TTC3: variants seen among roughly 807,000 people sequenced by gnomAD.
The protein encoded by TTC3 is E3 ubiquitin-protein ligase TTC3.
A neutral mutation model predicts 249.6 loss-of-function variants in TTC3; 180 were observed. That is an observed-to-expected ratio of 0.72 (90% CI 0.64 to 0.82). TTC3 has a LOEUF of 0.82. Among genes scored for constraint, TTC3 ranks in the 40% least tolerant of loss-of-function variants. TTC3 has a pLI of 0.00. For synonymous variants in TTC3, 717 were observed against 805.0 expected, an observed-to-expected ratio of 0.89 and a Z score of 1.85; for missense variants, 2,061 against 2,398.4, an observed-to-expected ratio of 0.86 and a Z score of 2.94.
chr21:37,089,888 G>C (rs1187836271), intron 5 of TTC3, among the ~76,000 whole-genome samples: 4 of 152,098 alleles, frequency 2.6e-5, no homozygotes, highest in Non-Finnish European at 5.9e-5. Context: ...GGGAGGCTGA[G>C]GCAGGAGAAT....
At chr21:37,190,019 G>T (rs1347573101) in intron 39 of TTC3, among the ~76,000 whole-genome samples, 1 of 151,886 alleles carries the variant, frequency 6.6e-6, no homozygotes, top group Non-Finnish European at 1.5e-5. Flanking sequence ...TTTAATCCCA[G>T]GGTTTTGATC....
At position 37,073,352 on chromosome 21, in the gene TTC3, G is replaced by A. The variant is rs1042567938; in HGVS notation, c.-24G>A. The A allele has an allele frequency of 7.7e-5, 70 of 907,554 alleles. 1 individual carries two copies. Among genetic ancestry groups the A allele is most frequent in the Non-Finnish European group, 1.8e-5 (14 of 757,988 alleles). The allele number at this position is 907,554 out of a possible 1,614,324, so 56.2% of individuals were successfully genotyped here. A position where few individuals can be genotyped will look rare whatever the true frequency, so the allele number is the denominator to read the frequency against. On this transcript the variant is annotated 5_prime_UTR_variant, in exon 1 of 46. Transcript: ENST00000355666. ...TGCTGCCCGCGTCCGAGGCTCGCGG[G>A]CGGCGGGCCCGGGTGAGTGCACACC...
At chr21:37,115,174 T>TATAATAATAATAACAATA (rs1555875662) in intron 11 of TTC3, among the ~76,000 whole-genome samples, 1 of 144,500 alleles carries the variant, frequency 6.9e-6, no homozygotes, top group Non-Finnish European at 1.5e-5. Flanking sequence ...AAACTTAAAG[T>TATAATAATAATAACAATA]ATAATAATAA....
Position 37,132,770 on chromosome 21 carries a change from A to C in TTC3, c.1443+4A>C, listed in dbSNP as rs767672785. 14 of 1,591,148 alleles carry C rather than the reference A, an allele frequency of 8.8e-6. No homozygotes were observed. The highest frequency in any genetic ancestry group is 9.4e-6 in the Non-Finnish European group (11 of 1,171,340). On this transcript the variant is annotated splice_donor_region_variant and intron_variant, in intron 17 of 45. Transcript: ENST00000355666. ...ATCTTCCAGAGCTGCACACCAGGTA[A>C]TGGAGAAGCTTTTCCAATGGAAAAA...
exon 33 of TTC3, chr21:37,166,097 T>A (rs752628901): frequency 1.2e-6 from 2 of 1,614,074 alleles, no homozygotes; most frequent in East Asian, 4.5e-5. Flanking sequence ...CTCCTGTAAT[T>A]CCCCCAAACC....
At chr21:37,079,025 GTCTTT>G (rs2071261825) in intron 1 of TTC3, among the ~76,000 whole-genome samples, 1 of 152,088 alleles carries the variant, frequency 6.6e-6, no homozygotes, top group African/African-American at 2.4e-5. Context: ...AATATCTTGT[GTCTTT>G]TCTTCTTTAA....
intron 17 of TTC3, among the ~76,000 whole-genome samples, chr21:37,134,979 G>C (rs2077797735): frequency 6.6e-6 from 1 of 152,176 alleles, no homozygotes; most frequent in South Asian, 2.1e-4. Context: ...GTAGTGATCA[G>C]AATATTGATT....
chr21:37,117,652 A>G (rs2076247438), intron 11 of TTC3, among the ~76,000 whole-genome samples: 2 of 151,984 alleles, frequency 1.3e-5, no homozygotes, highest in African/African-American at 4.8e-5. Flanking sequence ...TTGGGAGGGC[A>G]GGACGGGCAG....
At chr21:37,100,723 G>T (rs913545529) in intron 10 of TTC3, 1 of 152,212 alleles carries the variant, frequency 6.6e-6, no homozygotes. Flanking sequence ...CACTCCTGCC[G>T]CAGCCTCTCC....
intron 5 of TTC3, 126 bp downstream of exon 5, chr21:37,089,012 G>A (rs943447347): frequency 2.6e-5 from 20 of 779,188 alleles, no homozygotes; most frequent in African/African-American, 7.1e-5. Flanking sequence ...TGGTTAACCT[G>A]AGATAAATCT....
At chr21:37,175,968 G>A (rs373926283) in intron 35 of TTC3, among the ~76,000 whole-genome samples, 3 of 151,840 alleles carry the variant, frequency 2.0e-5, no homozygotes, top group Admixed American at 6.5e-5. Context: ...ATGGGGTGTC[G>A]CCATGTTGGC....
intron 44 of TTC3, among the ~76,000 whole-genome samples, chr21:37,199,256 C>T (rs1189014193): frequency 2.0e-5 from 3 of 152,248 alleles, no homozygotes; most frequent in Admixed American, 6.5e-5. Flanking sequence ...ACTCCCTCAG[C>T]AGGGGTTTTT....
chr21:37,153,362 A>G, intron 27 of TTC3, 85 bp downstream of exon 27: 1 of 1,245,988 alleles, frequency 8.0e-7, no homozygotes, highest in South Asian at 1.6e-5. Flanking sequence ...TTCCTGCCAT[A>G]TAATTTATAA....
chr21:37,185,705 G>T lies in TTC3; in HGVS notation c.4758-1G>T. The T allele has an allele frequency of 6.5e-7, 1 of 1,536,396 alleles. No individual in the cohort carries two copies. The highest frequency in any genetic ancestry group is 8.7e-7 in the Non-Finnish European group (1 of 1,145,086). On this transcript the variant is annotated splice_acceptor_variant, in intron 36 of 45. Coordinates refer to ENST00000355666, the Ensembl canonical transcript of TTC3. LOFTEE classifies it high-confidence loss of function. ...AATATTTGGTGATTATGCTTTTATA[G>T]GTATACCCAGAAAAATGATGGAAAG...
intron 13 of TTC3, among the ~76,000 whole-genome samples, chr21:37,123,533 C>CCA (rs2076795132): frequency 6.6e-6 from 1 of 152,176 alleles, no homozygotes. Flanking sequence ...GCAATAGCAG[C>CCA]CAGGGTTCTA....
At chr21:37,095,084 T>A (rs1002882578) in intron 8 of TTC3, among the ~76,000 whole-genome samples, 4 of 151,740 alleles carry the variant, frequency 2.6e-5, no homozygotes, top group African/African-American at 9.7e-5. Context: ...TGCAGTGAGC[T>A]GTGATTGCAC....
At chr21:37,145,266 A>G (rs2078882505) in intron 21 of TTC3, among the ~76,000 whole-genome samples, 2 of 152,356 alleles carry the variant, frequency 1.3e-5, no homozygotes, top group African/African-American at 4.8e-5. Context: ...TTTTAAAATC[A>G]CAGAAGTCAA....
chr21:37,113,187 G>A (rs1446769953), intron 11 of TTC3, among the ~76,000 whole-genome samples: 2 of 152,186 alleles, frequency 1.3e-5, no homozygotes, highest in East Asian at 3.9e-4. Context: ...GGAAGTTCTG[G>A]CCAGGGCAAT....
chr21:37,094,244 A>G (rs1490261556), intron 8 of TTC3, among the ~76,000 whole-genome samples, 154 bp downstream of exon 8: 3 of 152,196 alleles, frequency 2.0e-5, no homozygotes, highest in Non-Finnish European at 4.4e-5. Context: ...GAGTTCTCTA[A>G]TGATTTAAAA....
Sources: gnomAD v4.1 joint callset for allele counts (sites outside exome capture counted in the v4.1 genomes callset) on GRCh38, gnomAD v4.1.1 for gene constraint, MANE v1.5 for transcripts, NCBI Gene and HGNC (gene_info 2026-07-23, HGNC 2026-07-21) for gene names.